Variants in DCLK2 observed in about 807,000 individuals in gnomAD.
The protein encoded by DCLK2 is doublecortin like kinase 2.
DCLK2 carries 31 observed loss-of-function variants against 78.4 expected under a neutral mutation model. The ratio of observed to expected loss-of-function variants is 0.40; its 90% CI spans 0.30 to 0.53. The LOEUF (loss-of-function observed/expected upper bound fraction) is 0.53. DCLK2 is among the 20% of genes least tolerant of loss of function. The pLI is 0.61. For synonymous variants in DCLK2, 407 were observed against 374.9 expected (o/e 1.09, Z -0.99); for missense variants, 872 against 973.7 (o/e 0.90, Z 1.39).
intron 8 of DCLK2, among the ~76,000 whole-genome samples, chr4:150,230,456 G>A (rs1741956363): frequency 6.6e-6 from 1 of 152,142 alleles, no homozygotes; most frequent in South Asian, 2.1e-4. Context: ...CTAACTTTGG[G>A]TAAAATGAGG....
chr4:150,160,289 A>G (rs993456334), intron 2 of DCLK2, among the ~76,000 whole-genome samples: 9 of 152,166 alleles, frequency 5.9e-5, no homozygotes, highest in African/African-American at 1.9e-4. Context: ...GAGTGCTGAG[A>G]CTGCAAGTGT....
intron 2 of DCLK2, among the ~76,000 whole-genome samples, chr4:150,142,029 A>G (rs548322988): frequency 6.6e-6 from 1 of 152,334 alleles, no homozygotes; most frequent in East Asian, 1.9e-4. Context: ...ACTATATTAA[A>G]TTAAACTGTT....
chr4:150,152,201 A>T (rs28392954), intron 2 of DCLK2, among the ~76,000 whole-genome samples: 3,346 of 151,718 alleles, frequency 0.022, 107 homozygotes, highest in African/African-American at 0.077. Context: ...TCAGTATGTT[A>T]GCCTTTGTTA....
chr4:150,165,157 G>A (rs1735975013), intron 2 of DCLK2, among the ~76,000 whole-genome samples: 1 of 152,198 alleles, frequency 6.6e-6, no homozygotes. Flanking sequence ...GAACTTCCTT[G>A]TTTAAAAACA....
At chr4:150,218,589 T>A (rs1262736779) in intron 5 of DCLK2, among the ~76,000 whole-genome samples, 1 of 152,130 alleles carries the variant, frequency 6.6e-6, no homozygotes, top group Non-Finnish European at 1.5e-5. Flanking sequence ...CAGGTACAGG[T>A]CTTAGGACCT....
intron 1 of DCLK2, among the ~76,000 whole-genome samples, chr4:150,087,394 C>CTA: frequency 6.6e-6 from 1 of 152,266 alleles, no homozygotes; most frequent in East Asian, 1.9e-4. Context: ...TCTTCCTTCA[C>CTA]TATATGTTTT....
intron 2 of DCLK2, among the ~76,000 whole-genome samples, chr4:150,125,858 T>A (rs1455660200): frequency 6.6e-6 from 1 of 151,608 alleles, no homozygotes; most frequent in African/African-American, 2.4e-5. Flanking sequence ...GCCACTACAC[T>A]CCAGCCTGGG....
intron 2 of DCLK2, among the ~76,000 whole-genome samples, chr4:150,145,657 C>G (rs1734418704): frequency 6.6e-6 from 1 of 152,154 alleles, no homozygotes; most frequent in East Asian, 1.9e-4. Flanking sequence ...TCTGTTATTT[C>G]ACTTAGTTCT....
chr4:150,104,394 TAA>T (rs34276664), intron 2 of DCLK2, among the ~76,000 whole-genome samples: 44 of 29,746 alleles, frequency 1.5e-3, no homozygotes, highest in African/African-American at 5.6e-3. Flanking sequence ...CCACATCTCC[TAA>T]AAAAAAAAAA....
intron 8 of DCLK2, among the ~76,000 whole-genome samples, chr4:150,230,167 A>G (rs1741930823): frequency 6.6e-6 from 1 of 152,218 alleles, no homozygotes. Context: ...CAGTAGGCTA[A>G]TAAGTGGTGG....
intron 2 of DCLK2, among the ~76,000 whole-genome samples, chr4:150,125,093 G>A (rs1220983733): frequency 6.6e-6 from 1 of 152,156 alleles, no homozygotes; most frequent in Non-Finnish European, 1.5e-5. Context: ...TTCAGACTAT[G>A]CATGTTGTCA....
At chr4:150,103,884 C>T (rs577121849) in intron 2 of DCLK2, among the ~76,000 whole-genome samples, 7 of 151,478 alleles carry the variant, frequency 4.6e-5, no homozygotes, top group African/African-American at 9.7e-5. Context: ...ACCTCATAGC[C>T]GCCTGCCCCC....
intron 1 of DCLK2, among the ~76,000 whole-genome samples, chr4:150,083,542 G>T (rs951698015): frequency 1.3e-5 from 2 of 152,124 alleles, no homozygotes; most frequent in Non-Finnish European, 2.9e-5. Flanking sequence ...ACCAAAATAC[G>T]TTTCTGAGAA....
At chr4:150,095,570 C>T (rs982433908) in intron 1 of DCLK2, among the ~76,000 whole-genome samples, 1 of 152,170 alleles carries the variant, frequency 6.6e-6, no homozygotes, top group African/African-American at 2.4e-5. Context: ...TTGAGCAATG[C>T]TCCTATGAAC....
At chr4:150,220,841 C>G in intron 6 of DCLK2, 63 bp downstream of exon 6, 1 of 1,260,582 alleles carries the variant, frequency 7.9e-7, no homozygotes, top group Non-Finnish European at 1.1e-6. Flanking sequence ...TGGTGCTCAC[C>G]TAAAACTCAC....
At chr4:150,199,128 G>T in intron 4 of DCLK2, 2 of 1,519,092 alleles carry the variant, frequency 1.3e-6, no homozygotes, top group South Asian at 1.2e-5. Context: ...TTTTGTTTTT[G>T]TTTTTTGCCA....
At position 150,096,551 on chromosome 4, in the gene DCLK2, C is replaced by T. The variant is rs190245513; in HGVS notation, c.422-5927C>T. ...GCCTGGGTGGGTGTGGAAAGAGGATCCTGAAAAGCAGACTGAGAAGGAGCA... is the reference window on the plus strand; with the variant it reads ...GCCTGGGTGGGTGTGGAAAGAGGATTCTGAAAAGCAGACTGAGAAGGAGCA... On this transcript the variant is annotated intron_variant, in intron 1 of 15. Coordinates refer to ENST00000296550, the MANE Select transcript of DCLK2 (RefSeq NM_001040260.4). 2.4e-3 allele frequency among the ~76,000 whole-genome samples: 358 copies of T among 152,014 alleles called. 1 individual carries two copies. The highest frequency in any genetic ancestry group is 3.4e-3 in the Non-Finnish European group (233 of 67,986).
chr4:150,100,297 A>G (rs80213102), intron 1 of DCLK2, among the ~76,000 whole-genome samples: 163 of 152,352 alleles, frequency 1.1e-3, no homozygotes, highest in African/African-American at 3.5e-3. Context: ...ACAAAAGCAA[A>G]TTAAGGAGCT....
At chr4:150,115,266 A>G (rs1731993206) in intron 2 of DCLK2, among the ~76,000 whole-genome samples, 1 of 151,966 alleles carries the variant, frequency 6.6e-6, no homozygotes, top group South Asian at 2.1e-4. Flanking sequence ...TTTGTCATTC[A>G]TATCATAAGT....
Sources: gnomAD v4.1 joint callset for allele counts (sites outside exome capture counted in the v4.1 genomes callset) on GRCh38, gnomAD v4.1.1 for gene constraint, MANE v1.5 for transcripts, NCBI Gene and HGNC (gene_info 2026-07-23, HGNC 2026-07-21) for gene names.